DLGAP1: variants seen among roughly 807,000 people sequenced by gnomAD.
DLGAP1 encodes the protein DLG associated protein 1.
DLGAP1 carries 11 observed loss-of-function variants against 90.8 expected under a neutral mutation model. The observed-to-expected ratio is 0.12, with a 90% CI of 0.08 to 0.20. The LOEUF is 0.20. Among genes scored for constraint, DLGAP1 ranks in the 10% least tolerant of loss-of-function variants. The pLI is 1.00. For missense variants in DLGAP1, 1,050 were observed against 1,333.8 expected, an observed-to-expected ratio of 0.79 and a Z score of 3.31; for synonymous variants, 558 against 540.7, an observed-to-expected ratio of 1.03 and a Z score of -0.44.
chr18:3,870,609 TATCTATCTATCTATC>T (rs2070688755), intron 4 of DLGAP1, among the ~76,000 whole-genome samples: 1 of 83,144 alleles, frequency 1.2e-5, no homozygotes, highest in African/African-American at 3.7e-5. Context: ...TAAATACATC[TATCTATCTATCTATC>T]TATCTATCTA....
At position 4,215,170 on chromosome 18, in the gene DLGAP1, A is replaced by C. The variant is rs369224975; in HGVS notation, c.-266-63883T>G. 1.4e-4 allele frequency among the ~76,000 whole-genome samples: 22 copies of C among 152,316 alleles called. No individual in the cohort carries two copies. The East Asian group carries it at 2.3e-3, about 16-fold the overall frequency. ...ATACCATAGAGCCAAGAAAGTGATAAGGTAAAATATTTTGAAATGATGCCA... is the reference window on the plus strand; with the variant it reads ...ATACCATAGAGCCAAGAAAGTGATACGGTAAAATATTTTGAAATGATGCCA... On this transcript the variant is annotated intron_variant, in intron 1 of 12. Transcript: ENST00000315677.
chr18:4,277,448 T>C (rs1473622779), intron 1 of DLGAP1, among the ~76,000 whole-genome samples: 2 of 152,216 alleles, frequency 1.3e-5, no homozygotes, highest in Non-Finnish European at 2.9e-5. Context: ...CAAGGCTTGT[T>C]AGCATTCTGA....
At chr18:3,615,812 C>T (rs1244223677) in intron 7 of DLGAP1, among the ~76,000 whole-genome samples, 4 of 152,064 alleles carry the variant, frequency 2.6e-5, no homozygotes, top group African/African-American at 9.7e-5. Flanking sequence ...AAAAATTTAG[C>T]TAGTTTGATA....
intron 1 of DLGAP1, among the ~76,000 whole-genome samples, chr18:4,186,766 T>C (rs1448273075): frequency 2.0e-5 from 3 of 152,268 alleles, no homozygotes; most frequent in Admixed American, 2.0e-4. Flanking sequence ...AGGGTCTTTT[T>C]TGGTCAACAT....
chr18:4,396,233 C>T (rs2144486042), intron 1 of DLGAP1, among the ~76,000 whole-genome samples: 1 of 152,310 alleles, frequency 6.6e-6, no homozygotes, highest in East Asian at 1.9e-4. Flanking sequence ...GAAGCTTCCA[C>T]ATCCAAAGGA....
chr18:3,771,078 T>C (rs1409591453), intron 5 of DLGAP1: 4 of 152,174 alleles, frequency 2.6e-5, no homozygotes, highest in African/African-American at 9.7e-5. Context: ...CTGGTCAAAA[T>C]GTACTCTATT....
In DLGAP1 at chr18:3,497,255, T is replaced by C. The variant is rs941602337; in HGVS notation, c.*1930A>G. The C allele has an allele frequency of 1.4e-4, 21 of 152,204 alleles. No homozygotes were observed. The highest frequency in any genetic ancestry group is 4.6e-4 in the African/African-American group (19 of 41,442). 9.4% of individuals were successfully genotyped at this position (152,204 alleles called of 1,614,324 possible). On this transcript the variant is annotated 3_prime_UTR_variant, in exon 13 of 13. Transcript: ENST00000315677. ...AAGGTAAAGAAAAGGTGTATTCTTT[T>C]TAAAACTAGCAAATACTTGAAGCTC...
At chr18:4,298,443 A>G (rs2080037785) in intron 1 of DLGAP1, among the ~76,000 whole-genome samples, 1 of 152,226 alleles carries the variant, frequency 6.6e-6, no homozygotes, top group Admixed American at 6.5e-5. Flanking sequence ...CTATGCAGCC[A>G]TAAAAAATGA....
chr18:4,062,487 T>G (rs1419491252), intron 2 of DLGAP1, among the ~76,000 whole-genome samples: 1 of 152,164 alleles, frequency 6.6e-6, no homozygotes. Flanking sequence ...GGAGAGAAGC[T>G]TACCCAACTC....
At position 4,311,935 on chromosome 18, in the gene DLGAP1, C is replaced by T. The variant is rs1380593568; in HGVS notation, c.-267+143071G>A. On this transcript the variant is annotated intron_variant, in intron 1 of 12. Coordinates refer to ENST00000315677, the MANE Select transcript of DLGAP1 (RefSeq NM_004746.4). ...TTCACCCTGTTGGCCAGGCTGGTCTCGAACTCCTGACCTCAAGTGATCCGC... is the reference window on the plus strand; with the variant it reads ...TTCACCCTGTTGGCCAGGCTGGTCTTGAACTCCTGACCTCAAGTGATCCGC... Among the ~76,000 whole-genome samples the T allele has an allele frequency of 5.3e-5, 8 of 152,272 alleles. No homozygotes were observed. In the East Asian group the frequency reaches 5.8e-4, roughly 11 times the overall value.
At chr18:3,721,720 A>G (rs1234207656) in intron 7 of DLGAP1, 2 of 152,238 alleles carry the variant, frequency 1.3e-5, no homozygotes, top group Non-Finnish European at 2.9e-5. Flanking sequence ...CTTTTATTCT[A>G]TAAATGGATT....
chr18:3,505,356 G>A (rs1273460718), intron 11 of DLGAP1, among the ~76,000 whole-genome samples: 2 of 151,956 alleles, frequency 1.3e-5, no homozygotes, highest in Non-Finnish European at 2.9e-5. Context: ...TGTCACTATC[G>A]GGCCGGGCGA....
At chr18:4,059,824 T>C (rs1239913748) in intron 2 of DLGAP1, among the ~76,000 whole-genome samples, 2 of 152,192 alleles carry the variant, frequency 1.3e-5, no homozygotes, top group Admixed American at 6.5e-5. Flanking sequence ...TTCAGTCTTT[T>C]ATAACTGAGA....
At chr18:4,057,299 A>G (rs1424101460) in intron 2 of DLGAP1, among the ~76,000 whole-genome samples, 2 of 152,184 alleles carry the variant, frequency 1.3e-5, no homozygotes, top group East Asian at 1.9e-4. Flanking sequence ...ACACCCAAGC[A>G]TGCATTAAGA....
At chr18:4,167,064 C>T (rs1598525375) in intron 1 of DLGAP1, among the ~76,000 whole-genome samples, 1 of 151,744 alleles carries the variant, frequency 6.6e-6, no homozygotes, top group South Asian at 2.1e-4. Flanking sequence ...ATAGACACTA[C>T]AAATTAATCA....
At chr18:4,047,591 T>C (rs749914566) in intron 2 of DLGAP1, among the ~76,000 whole-genome samples, 1 of 152,214 alleles carries the variant, frequency 6.6e-6, no homozygotes, top group Non-Finnish European at 1.5e-5. Flanking sequence ...GACTTAGGTG[T>C]TGTAGCCAGG....
At chr18:4,293,812 T>G (rs2079907771) in intron 1 of DLGAP1, 1 of 152,196 alleles carries the variant, frequency 6.6e-6, no homozygotes, top group South Asian at 2.1e-4. Context: ...CTTCCTCACC[T>G]CCACCCAACC....
intron 3 of DLGAP1, among the ~76,000 whole-genome samples, chr18:3,884,400 G>A (rs1033074829): frequency 4.2e-4 from 64 of 152,060 alleles, no homozygotes; most frequent in Non-Finnish European, 1.5e-4. Flanking sequence ...ATAATGTTTC[G>A]AACTTTCCTT....
chr18:4,017,550 A>T (rs1005009433), intron 2 of DLGAP1, among the ~76,000 whole-genome samples: 1 of 152,246 alleles, frequency 6.6e-6, no homozygotes, highest in Non-Finnish European at 1.5e-5. Flanking sequence ...CCAAACAAAT[A>T]AACATCAGTA....
Sources: allele counts gnomAD v4.1 joint callset (sites outside exome capture counted in the v4.1 genomes callset), GRCh38; gene constraint gnomAD v4.1.1; transcripts MANE v1.5; gene names NCBI Gene and HGNC (gene_info 2026-07-23, HGNC 2026-07-21).